The following DPP10 variants were observed in gnomAD, a reference collection of about 807,000 sequenced individuals.
DPP10 encodes inactive dipeptidyl peptidase 10.
DPP10 carries 33 observed loss-of-function variants against 120.9 expected under a neutral mutation model. The ratio of observed to expected loss-of-function variants is 0.27; its 90% CI spans 0.21 to 0.37. DPP10 has a LOEUF of 0.37. Among genes scored for constraint, DPP10 ranks in the 10% least tolerant of loss-of-function variants. The pLI is 1.00. For missense variants in DPP10, 816 were observed against 942.8 expected, an observed-to-expected ratio of 0.87 and a Z score of 1.76; for synonymous variants, 337 against 326.1, an observed-to-expected ratio of 1.03 and a Z score of -0.36.
intron 3 of DPP10, among the ~76,000 whole-genome samples, chr2:115,432,884 A>T (rs543368048): frequency 6.6e-6 from 1 of 152,092 alleles, no homozygotes; most frequent in African/African-American, 2.4e-5. Flanking sequence ...TTTGGTCCAA[A>T]ATGTCAGTAG....
chr2:114,695,146 T>C (rs1481834402), intron 1 of DPP10, among the ~76,000 whole-genome samples: 1 of 151,940 alleles, frequency 6.6e-6, no homozygotes, highest in African/African-American at 2.4e-5. Context: ...TGAATTAAAG[T>C]GGATAGGATC....
chr2:115,497,420 C>T (rs2076456993), intron 3 of DPP10, among the ~76,000 whole-genome samples: 1 of 152,098 alleles, frequency 6.6e-6, no homozygotes, highest in South Asian at 2.1e-4. Flanking sequence ...AGATTTCTTT[C>T]ATTATCATAA....
intron 1 of DPP10, among the ~76,000 whole-genome samples, chr2:115,269,648 A>G (rs2105801532): frequency 6.6e-6 from 1 of 152,234 alleles, no homozygotes; most frequent in East Asian, 1.9e-4. Flanking sequence ...TGGTTTCTCC[A>G]TGGTGAACAG....
At chr2:115,128,942 T>C (rs2050206454) in intron 1 of DPP10, among the ~76,000 whole-genome samples, 1 of 152,146 alleles carries the variant, frequency 6.6e-6, no homozygotes, top group Non-Finnish European at 1.5e-5. Context: ...GGAGTAACAA[T>C]ACATTGTCCA....
chr2:115,215,497 T>C (rs886226653), intron 1 of DPP10, among the ~76,000 whole-genome samples: 5 of 152,172 alleles, frequency 3.3e-5, no homozygotes, highest in Non-Finnish European at 7.3e-5. Context: ...CTATTATTAT[T>C]TAAGTCAAAA....
At chr2:115,002,922 A>G (rs1472809327) in intron 1 of DPP10, among the ~76,000 whole-genome samples, 1 of 152,128 alleles carries the variant, frequency 6.6e-6, no homozygotes, top group Non-Finnish European at 1.5e-5. Context: ...GGGAGTGTAA[A>G]TTAGTTCAGC....
chr2:115,313,868 G>A (rs1309723699), intron 2 of DPP10, among the ~76,000 whole-genome samples: 1 of 152,128 alleles, frequency 6.6e-6, no homozygotes, highest in Non-Finnish European at 1.5e-5. Flanking sequence ...TTATTCAGAT[G>A]CATTGATGAA....
intron 3 of DPP10, among the ~76,000 whole-genome samples, chr2:115,465,517 A>G (rs1301307876): frequency 6.6e-6 from 1 of 152,146 alleles, no homozygotes; most frequent in Admixed American, 6.5e-5. Context: ...AGGAAAGTCT[A>G]AATGCGTTAA....
At chr2:115,185,245 C>CT (rs5833580) in intron 1 of DPP10, among the ~76,000 whole-genome samples, 309 of 147,036 alleles carry the variant, frequency 2.1e-3, no homozygotes, top group African/African-American at 5.9e-3. Context: ...TTTTTTGTTT[C>CT]TTTTTTTTTT....
chr2:115,067,711 A>G (rs184510712), intron 1 of DPP10, among the ~76,000 whole-genome samples: 17 of 149,116 alleles, frequency 1.1e-4, no homozygotes, highest in Admixed American at 1.1e-3. Flanking sequence ...AAAATACAAA[A>G]AATTAGCCGG....
intron 1 of DPP10, among the ~76,000 whole-genome samples, chr2:114,954,080 C>CTTTTTTT (rs66485866): frequency 3.3e-5 from 4 of 122,072 alleles, no homozygotes; most frequent in Non-Finnish European, 6.6e-5. Flanking sequence ...TTAAGAAGTC[C>CTTTTTTT]TTTTTTTTTT....
At position 114,874,962 on chromosome 2, in the gene DPP10, G is replaced by A. The variant is rs1263829017; in HGVS notation, c.60+432124G>A. On this transcript the variant is annotated intron_variant, in intron 1 of 25. Transcript: ENST00000410059. ...TTCTTTGCTGTTCAGGTATATGCCAGGTTCAACAGTTCCCAATGTTACCTC... is the reference window on the plus strand; with the variant it reads ...TTCTTTGCTGTTCAGGTATATGCCAAGTTCAACAGTTCCCAATGTTACCTC... 2.0e-5 allele frequency among the ~76,000 whole-genome samples: 3 copies of A among 152,096 alleles called. No homozygotes were observed. In the South Asian group the frequency reaches 6.2e-4, roughly 31 times the overall value.
At chr2:115,062,317 G>A (rs1014497342) in intron 1 of DPP10, among the ~76,000 whole-genome samples, 1 of 151,982 alleles carries the variant, frequency 6.6e-6, no homozygotes, top group African/African-American at 2.4e-5. Flanking sequence ...ATTTCCATGA[G>A]CTTAATTTTG....
At chr2:115,605,769 T>A (rs2083666239) in intron 5 of DPP10, among the ~76,000 whole-genome samples, 1 of 152,072 alleles carries the variant, frequency 6.6e-6, no homozygotes, top group Non-Finnish European at 1.5e-5. Flanking sequence ...AAGCTCAAAA[T>A]CAAACATTTC....
chr2:115,788,344 G>A (rs1266125490), intron 17 of DPP10, among the ~76,000 whole-genome samples: 1 of 151,910 alleles, frequency 6.6e-6, no homozygotes, highest in African/African-American at 2.4e-5. Flanking sequence ...TTCACCTTAA[G>A]GAATTAGAAA....
intron 1 of DPP10, among the ~76,000 whole-genome samples, chr2:114,808,470 C>T (rs1018350531): frequency 6.6e-6 from 1 of 151,776 alleles, no homozygotes; most frequent in African/African-American, 2.4e-5. Flanking sequence ...AGTGATTATA[C>T]CAATTTACAC....
intron 1 of DPP10, among the ~76,000 whole-genome samples, chr2:115,212,558 T>C (rs544761002): frequency 1.2e-4 from 19 of 152,320 alleles, no homozygotes; most frequent in African/African-American, 4.1e-4. Context: ...TGTTGCACGA[T>C]ATTTTTGTGT....
At chr2:115,323,989 C>G (rs2062204711) in intron 2 of DPP10, among the ~76,000 whole-genome samples, 1 of 152,132 alleles carries the variant, frequency 6.6e-6, no homozygotes, top group Non-Finnish European at 1.5e-5. Flanking sequence ...GCATTAGCCC[C>G]TAATAGGAGA....
chr2:114,738,745 T>G (rs1677718782), intron 1 of DPP10, among the ~76,000 whole-genome samples: 1 of 152,208 alleles, frequency 6.6e-6, no homozygotes, highest in South Asian at 2.1e-4. Context: ...CACTGACCTG[T>G]GGCCCTTTCA....
Sources: gnomAD v4.1 joint callset for allele counts (sites outside exome capture counted in the v4.1 genomes callset) on GRCh38, gnomAD v4.1.1 for gene constraint, MANE v1.5 for transcripts, NCBI Gene and HGNC (gene_info 2026-07-23, HGNC 2026-07-21) for gene names.